Variants in OSMR observed in about 807,000 individuals in gnomAD.
The protein encoded by OSMR is oncostatin M receptor, also known as oncostatin-M-specific receptor subunit beta.
Under a neutral mutation model 99.9 loss-of-function variants are expected in OSMR, and 81 were observed. That is an observed-to-expected ratio of 0.81 (90% CI 0.68 to 0.97). OSMR has a LOEUF of 0.97. Among genes scored for constraint, OSMR ranks in the 50% least tolerant of loss-of-function variants. The pLI is 0.00. For synonymous variants in OSMR, 406 were observed against 410.4 expected, an observed-to-expected ratio of 0.99 and a Z score of 0.13; for missense variants, 1,099 against 1,153.4, an observed-to-expected ratio of 0.95 and a Z score of 0.68.
In OSMR at chr5:38,935,218, A is replaced by G. The variant is rs1746960587; in HGVS notation, c.*1774A>G. Reference sequence around the variant, plus strand: ...CAGCATGGTGGAAATGGCTCTGCCTATGCTCATGCTTCTGGTGCCCAATGC... The same window carrying G: ...CAGCATGGTGGAAATGGCTCTGCCTGTGCTCATGCTTCTGGTGCCCAATGC... On this transcript the variant is annotated 3_prime_UTR_variant, in exon 18 of 18. Coordinates refer to ENST00000274276, the MANE Select transcript of OSMR (RefSeq NM_003999.3). 6.6e-6 allele frequency: 1 copy of G among 152,232 alleles called. No homozygotes were observed. The highest frequency in any genetic ancestry group is 2.4e-5 in the African/African-American group (1 of 41,454). 9.4% of individuals were successfully genotyped at this position (152,232 alleles called of 1,614,324 possible).
At chr5:38,891,868 C>A (rs1744181043) in intron 7 of OSMR, among the ~76,000 whole-genome samples, 1 of 152,204 alleles carries the variant, frequency 6.6e-6, no homozygotes, top group African/African-American at 2.4e-5. Flanking sequence ...AGCAACCGCA[C>A]CCCTGCCTGA....
At chr5:38,881,483 T>C (rs772749466) in intron 3 of OSMR, 110 bp from the exon 4 acceptor site, 6 of 1,599,930 alleles carry the variant, frequency 3.8e-6, no homozygotes, top group Non-Finnish European at 5.1e-6. Context: ...CTGGCACATA[T>C]CGTGGACCTG....
At chr5:38,858,859 T>C (rs763357250) in intron 1 of OSMR, among the ~76,000 whole-genome samples, 3 of 152,202 alleles carry the variant, frequency 2.0e-5, no homozygotes, top group Admixed American at 6.6e-5. Flanking sequence ...TTGATGATTA[T>C]TGATGTTGGG....
chr5:38,926,352 C>T (rs750997589), intron 15 of OSMR, among the ~76,000 whole-genome samples: 22 of 152,114 alleles, frequency 1.4e-4, no homozygotes, highest in Admixed American at 2.6e-4. Flanking sequence ...TTAGTCCGTT[C>T]TCACACTACT....
chr5:38,900,281 C>A (rs1744809989), intron 7 of OSMR, among the ~76,000 whole-genome samples: 1 of 152,098 alleles, frequency 6.6e-6, no homozygotes, highest in South Asian at 2.1e-4. Flanking sequence ...TGACACAGGG[C>A]TGCTGCCAGG....
chr5:38,901,047 C>G (rs12657342), intron 7 of OSMR, among the ~76,000 whole-genome samples: 24,523 of 152,218 alleles, frequency 0.16, 2,476 homozygotes, highest in South Asian at 0.25. Context: ...AGGCTATTGG[C>G]AATGGCCCAT....
intron 1 of OSMR, among the ~76,000 whole-genome samples, chr5:38,859,339 C>A (rs1428094367): frequency 5.9e-5 from 9 of 152,116 alleles, no homozygotes; most frequent in Non-Finnish European, 1.2e-4. Context: ...TTCCCAGCAC[C>A]ATTTTTCGAA....
chr5:38,882,248 A>T (rs565810351), intron 4 of OSMR, among the ~76,000 whole-genome samples: 40 of 152,260 alleles, frequency 2.6e-4, no homozygotes, highest in African/African-American at 9.1e-4. Flanking sequence ...TAGTGTGTAA[A>T]CCAATGAGAC....
downstream of OSMR, among the ~76,000 whole-genome samples, chr5:38,936,222 CCT>C (rs774622416): frequency 1.5e-4 from 23 of 152,266 alleles, no homozygotes; most frequent in Admixed American, 2.6e-4. Flanking sequence ...CATCCACACC[CCT>C]GTTCGCTTTC....
chr5:38,917,334 C>T lies in OSMR; in HGVS notation c.1286-212C>T, dbSNP rs926659345. 21 of 797,304 alleles carry T rather than the reference C, an allele frequency of 2.6e-5. No individual in the cohort carries two copies. In the African/African-American group the frequency reaches 3.6e-4, roughly 14 times the overall value. The allele number at this position is 797,304 out of a possible 1,614,324, so 49.4% of individuals were successfully genotyped here. On this transcript the variant is annotated intron_variant, in intron 9 of 17. Coordinates refer to ENST00000274276, the MANE Select transcript of OSMR (RefSeq NM_003999.3). Reference sequence around the variant, plus strand: ...ATAAAGGCTTTCAGAGGCAGCTGACCTTTTTATAAAGCACTGTACTGTGTG... The same window carrying T: ...ATAAAGGCTTTCAGAGGCAGCTGACTTTTTTATAAAGCACTGTACTGTGTG...
chr5:38,876,275 T>TTA lies in OSMR; in HGVS notation c.149_150dup (p.Gln51TyrfsTer14). The TTA allele has an allele frequency of 6.2e-7, 1 of 1,613,698 alleles. No homozygotes were observed. Among genetic ancestry groups the TTA allele is most frequent in the Non-Finnish European group, 8.5e-7 (1 of 1,179,662 alleles). ...CAATTCTACGCGTCAGAGTTTGCACTTACAATGGACTGTCCACAACCTTCC... is the reference window on the plus strand; with the variant it reads ...CAATTCTACGCGTCAGAGTTTGCACTTATACAATGGACTGTCCACAACCTTCC... On this transcript the variant is annotated frameshift_variant, in exon 3 of 18. Transcript: ENST00000274276. LOFTEE classifies it high-confidence loss of function.
Position 38,876,169 on chromosome 5 carries a change from T to C in OSMR, c.74-32T>C, listed in dbSNP as rs1433470325. On this transcript the variant is annotated intron_variant, in intron 2 of 17. Transcript: ENST00000274276. ...ACTCTTCAATCATGCTCCTATTAAA[T>C]ATTATTTCATACTTCATTTTGATCT... 18 of 1,593,332 alleles carry C rather than the reference T, an allele frequency of 1.1e-5. No homozygotes were observed. In the Admixed American group the frequency reaches 1.7e-4, roughly 15 times the overall value.
At chr5:38,940,888 T>G (rs1262284824) in intron 1 of OSMR, 1 of 232,260 alleles carries the variant, frequency 4.3e-6, no homozygotes, top group African/African-American at 2.2e-5. Flanking sequence ...TTAATGTTGC[T>G]ATGACTGTGT....
chr5:38,937,753 A>C (rs962366759), downstream of OSMR, among the ~76,000 whole-genome samples: 37 of 152,218 alleles, frequency 2.4e-4, no homozygotes, highest in Non-Finnish European at 2.9e-5. This position sits in a 1 kb window ranked among gnomAD's most constrained non-coding sequence, Gnocchi z 4.0. Context: ...GAAGTGTTTA[A>C]GAAGAGTATT....
intron 15 of OSMR, among the ~76,000 whole-genome samples, chr5:38,930,589 A>G (rs1033363389): frequency 1.3e-5 from 2 of 152,174 alleles, no homozygotes; most frequent in Non-Finnish European, 2.9e-5. Context: ...GTGAAAAGGG[A>G]TGTTTACCAA....
chr5:38,859,906 T>G (rs1383486651), intron 1 of OSMR, among the ~76,000 whole-genome samples: 1 of 152,216 alleles, frequency 6.6e-6, no homozygotes, highest in African/African-American at 2.4e-5. Flanking sequence ...ATAGAAACAC[T>G]ACTAGTTTTT....
intron 11 of OSMR, among the ~76,000 whole-genome samples, chr5:38,920,552 A>T (rs1746181649): frequency 6.6e-6 from 1 of 152,144 alleles, no homozygotes; most frequent in Non-Finnish European, 1.5e-5. Flanking sequence ...GGGATCTATA[A>T]AGCCCTCATG....
chr5:38,923,663 G>T (rs569837937), intron 13 of OSMR, among the ~76,000 whole-genome samples: 1 of 152,146 alleles, frequency 6.6e-6, no homozygotes, highest in Admixed American at 6.5e-5. Context: ...CCCTAGAAAT[G>T]TTACCACTGT....
downstream of OSMR, chr5:38,937,999 A>T (rs1207958515): frequency 1.5e-5 from 3 of 196,476 alleles, no homozygotes; most frequent in African/African-American, 6.9e-5. The surrounding 1 kb of genome is among the most constrained non-coding windows in gnomAD (Gnocchi z 4.0). Flanking sequence ...AATGCCCTTG[A>T]CATAAACTAT....
Sources: allele counts gnomAD v4.1 joint callset (sites outside exome capture counted in the v4.1 genomes callset), GRCh38; gene constraint gnomAD v4.1.1; non-coding constraint Gnocchi (gnomAD v3.1); transcripts MANE v1.5; gene names NCBI Gene and HGNC (gene_info 2026-07-23, HGNC 2026-07-21).